Variants in MSRA observed in about 807,000 individuals in gnomAD.
MSRA encodes the protein mitochondrial peptide methionine sulfoxide reductase.
In MSRA, 54 loss-of-function variants were observed where a neutral mutation model predicts 31.3. That is an observed-to-expected ratio of 1.73 (90% CI 1.39 to 2.17). MSRA has a LOEUF of 2.17. Ranked by LOEUF, MSRA falls within the 30% of genes most tolerant of loss-of-function variation. The pLI, the probability that MSRA is intolerant of heterozygous loss-of-function variation, is 0.00. For missense variants in MSRA, 507 were observed against 300.9 expected (o/e 1.69, Z -5.07); for synonymous variants, 169 against 116.5 (o/e 1.45, Z -2.90).
chr8:10,401,172 C>A (rs1807440971), intron 5 of MSRA, among the ~76,000 whole-genome samples: 1 of 151,710 alleles, frequency 6.6e-6, no homozygotes. Flanking sequence ...GGATTAATGT[C>A]CAGAAAATAT....
chr8:10,375,546 A>C (rs1390865647), intron 5 of MSRA, among the ~76,000 whole-genome samples: 3 of 152,230 alleles, frequency 2.0e-5, no homozygotes, highest in Admixed American at 2.0e-4. Context: ...ACAGCTGATC[A>C]ATAGCTATCA....
intron 2 of MSRA, among the ~76,000 whole-genome samples, chr8:10,239,598 A>G (rs369606401): frequency 8.5e-5 from 13 of 152,234 alleles, no homozygotes; most frequent in African/African-American, 2.9e-4. Flanking sequence ...CCTTTTGCCT[A>G]CTTGTCCCTG....
At chr8:10,192,663 C>T (rs1284113120) in intron 1 of MSRA, among the ~76,000 whole-genome samples, 2 of 152,186 alleles carry the variant, frequency 1.3e-5, no homozygotes, top group African/African-American at 4.8e-5. Flanking sequence ...GTATTCTTTT[C>T]CCCTATCCTA....
At chr8:10,383,282 A>C (rs1806188068) in intron 5 of MSRA, among the ~76,000 whole-genome samples, 1 of 152,320 alleles carries the variant, frequency 6.6e-6, no homozygotes, top group Middle Eastern at 3.4e-3. Flanking sequence ...GACTTTGCCA[A>C]AGCATCTGAA....
chr8:10,245,618 A>G (rs1217412872), intron 3 of MSRA, among the ~76,000 whole-genome samples: 2 of 152,064 alleles, frequency 1.3e-5, no homozygotes, highest in Non-Finnish European at 2.9e-5. Flanking sequence ...AGGCTGCTTT[A>G]CTCTTTGGCC....
chr8:10,131,652 A>G (rs1018377871), intron 1 of MSRA, among the ~76,000 whole-genome samples: 2 of 152,170 alleles, frequency 1.3e-5, no homozygotes, highest in African/African-American at 4.8e-5. Flanking sequence ...AGAAATTTCT[A>G]TCCCTGGGAA....
intron 5 of MSRA, among the ~76,000 whole-genome samples, chr8:10,383,304 A>C (rs553205175): frequency 6.6e-6 from 1 of 152,296 alleles, no homozygotes; most frequent in African/African-American, 2.4e-5. Flanking sequence ...GTCAGCATGC[A>C]AAGTGGGGTG....
intron 3 of MSRA, among the ~76,000 whole-genome samples, chr8:10,283,836 TACACACACACACAC>T (rs372503609): frequency 1.9e-5 from 1 of 53,162 alleles, no homozygotes; most frequent in Non-Finnish European, 3.2e-5. Flanking sequence ...TATATATATA[TACACACACACACAC>T]ACACACACAC....
chr8:10,408,629 G>T (rs62493466), intron 5 of MSRA, among the ~76,000 whole-genome samples: 4 of 152,318 alleles, frequency 2.6e-5, no homozygotes, highest in Non-Finnish European at 2.9e-5. Context: ...GTACAGTTCT[G>T]TTGCATGCAT....
chr8:10,252,787 CATTGCAAT>C (rs1797985562), intron 3 of MSRA, among the ~76,000 whole-genome samples: 1 of 152,188 alleles, frequency 6.6e-6, no homozygotes, highest in Non-Finnish European at 1.5e-5. Context: ...AGGGTGATGG[CATTGCAAT>C]AAGTAAAACA....
At chr8:10,161,847 C>T (rs905231124) in intron 1 of MSRA, among the ~76,000 whole-genome samples, 2 of 152,022 alleles carry the variant, frequency 1.3e-5, no homozygotes, top group East Asian at 1.9e-4. Context: ...TAACCATGGG[C>T]CCTGGGCAAG....
At chr8:10,404,863 C>A (rs1962392) in intron 5 of MSRA, among the ~76,000 whole-genome samples, 7 of 152,112 alleles carry the variant, frequency 4.6e-5, no homozygotes, top group African/African-American at 1.4e-4. Flanking sequence ...GCACGGCATC[C>A]TCCCCAGTCT....
chr8:10,134,866 G>A (rs529324454), intron 1 of MSRA, among the ~76,000 whole-genome samples: 1 of 152,218 alleles, frequency 6.6e-6, no homozygotes, highest in African/African-American at 2.4e-5. Context: ...CTGACTGCAA[G>A]GTAGGGTTTC....
At chr8:10,059,648 G>T (rs1048642678) in intron 1 of MSRA, among the ~76,000 whole-genome samples, 1 of 152,142 alleles carries the variant, frequency 6.6e-6, no homozygotes. Flanking sequence ...TGATAAATTA[G>T]ATCATATCAC....
intron 3 of MSRA, among the ~76,000 whole-genome samples, chr8:10,290,010 A>T (rs1168873259): frequency 6.6e-6 from 1 of 152,210 alleles, no homozygotes; most frequent in Non-Finnish European, 1.5e-5. Flanking sequence ...ATCTTCTAAG[A>T]TTGATAGGAC....
chr8:10,240,012 C>G (rs12156030), intron 2 of MSRA, among the ~76,000 whole-genome samples: 44,008 of 152,100 alleles, frequency 0.29, 8,238 homozygotes, highest in Non-Finnish European at 0.43. Context: ...CAGGTGGAAA[C>G]CAGCTGTGGG....
At chr8:10,335,153 G>C (rs1802954269) in intron 5 of MSRA, among the ~76,000 whole-genome samples, 2 of 151,694 alleles carry the variant, frequency 1.3e-5, no homozygotes, top group South Asian at 4.1e-4. Flanking sequence ...AATGTCATCA[G>C]CTTCTCCATG....
intron 5 of MSRA, among the ~76,000 whole-genome samples, chr8:10,356,998 C>T (rs918200896): frequency 6.6e-6 from 1 of 151,926 alleles, no homozygotes; most frequent in African/African-American, 2.4e-5. Context: ...TGCAGATCCC[C>T]ATAAGCTGGC....
chr8:10,179,488 G>T (rs1031104453), intron 1 of MSRA, among the ~76,000 whole-genome samples: 4 of 152,172 alleles, frequency 2.6e-5, no homozygotes, highest in African/African-American at 9.7e-5. Flanking sequence ...TGAACAGAAG[G>T]GTTTTTGTCT....
Sources: allele counts gnomAD v4.1 joint callset (sites outside exome capture counted in the v4.1 genomes callset), GRCh38; gene constraint gnomAD v4.1.1; transcripts MANE v1.5; gene names NCBI Gene and HGNC (gene_info 2026-07-23, HGNC 2026-07-21).